Variants in BRCA1 observed in about 807,000 individuals in gnomAD.
BRCA1 encodes the protein BRCA1 DNA repair associated, also known as breast cancer type 1 susceptibility protein.
In BRCA1, 140 loss-of-function variants were observed where a neutral mutation model predicts 173.7. The observed-to-expected ratio is 0.81, with a 90% CI of 0.70 to 0.93. BRCA1 has a LOEUF of 0.93. Ranked by LOEUF, BRCA1 falls within the 40% of genes least tolerant of loss-of-function variation. The pLI, the probability that BRCA1 is intolerant of heterozygous loss-of-function variation, is 0.00. For missense variants in BRCA1, 1,983 were observed against 2,172.5 expected (o/e 0.91, Z 1.73); for synonymous variants, 662 against 756.0 (o/e 0.88, Z 2.04).
upstream of BRCA1, among the ~76,000 whole-genome samples, chr17:43,127,449 G>C (rs567279321): frequency 6.6e-6 from 1 of 152,162 alleles, no homozygotes; most frequent in Non-Finnish European, 1.5e-5. Context: ...TCAGTGCTCT[G>C]TGTCTAGCTC....
intron 11 of BRCA1, among the ~76,000 whole-genome samples, chr17:43,084,707 T>G (rs1219441460): frequency 6.6e-6 from 1 of 152,222 alleles, no homozygotes. Context: ...AGGTTTCTAC[T>G]GCTACTCTAA....
Position 43,057,601 on chromosome 17 carries a change from C to T in BRCA1, c.5194-466G>A, listed in dbSNP as rs8176281. Among the ~76,000 whole-genome samples, 1,849 of 151,388 alleles carry T rather than the reference C, an allele frequency of 0.012. 47 individuals carry two copies. The highest frequency in any genetic ancestry group is 0.043 in the African/African-American group (1,773 of 41,264). On this transcript the variant is annotated intron_variant, in intron 18 of 22. Transcript: ENST00000357654. ...CTGTAATCCCAGGACTTTGGGAGGCCGAGACAGGCGGATCACGAGGTCAGG... is the reference window on the plus strand; with the variant it reads ...CTGTAATCCCAGGACTTTGGGAGGCTGAGACAGGCGGATCACGAGGTCAGG...
upstream of BRCA1, among the ~76,000 whole-genome samples, chr17:43,128,525 C>T (rs181618744): frequency 3.9e-5 from 6 of 152,262 alleles, no homozygotes; most frequent in South Asian, 2.1e-4. Flanking sequence ...CAAGAACATC[C>T]GGCTTCTACT....
intron 12 of BRCA1, among the ~76,000 whole-genome samples, chr17:43,081,897 C>T (rs1216952848): frequency 6.6e-6 from 1 of 152,086 alleles, no homozygotes; most frequent in Non-Finnish European, 1.5e-5. Flanking sequence ...CTGTGTTGTT[C>T]TTTTCTTTTC....
intron 6 of BRCA1, among the ~76,000 whole-genome samples, chr17:43,100,675 T>TAAC (rs1567807687): frequency 1.9e-4 from 3 of 15,550 alleles, no homozygotes; most frequent in African/African-American, 4.6e-4. Flanking sequence ...TATATATATA[T>TAAC]ATAATATATA....
intron 11 of BRCA1, among the ~76,000 whole-genome samples, chr17:43,086,105 T>TAC (rs1385920078): frequency 8.8e-4 from 83 of 94,104 alleles, no homozygotes; most frequent in African/African-American, 4.7e-3. Flanking sequence ...TTTTATCACA[T>TAC]ACATACACAC....
intron 2 of BRCA1, among the ~76,000 whole-genome samples, chr17:43,117,496 C>T (rs1452320704): frequency 6.6e-6 from 1 of 151,950 alleles, no homozygotes; most frequent in African/African-American, 2.4e-5. Flanking sequence ...AATCCCAGCA[C>T]TTGGGAGGCC....
chr17:43,167,657 A>C (rs1398165466), intron 1 of BRCA1: 2 of 152,074 alleles, frequency 1.3e-5, no homozygotes, highest in African/African-American at 4.8e-5. Context: ...TTGGAGGCAG[A>C]AATTGGGCAT....
intron 15 of BRCA1, 116 bp from the exon 16 acceptor site, chr17:43,067,811 C>T (rs1032762080): frequency 1.7e-5 from 12 of 699,338 alleles, no homozygotes; most frequent in East Asian, 3.1e-5. Context: ...ACGTTCTACA[C>T]GTGTCCTGGA....
chr17:43,091,471 T>C lies in BRCA1; in HGVS notation c.4060A>G (p.Asn1354Asp). Residue 1354 changes from asparagine (N) to aspartate (D), a missense_variant, in exon 10 of 23, where the codon AAT (asparagine) becomes GAT (aspartate). Coordinates refer to ENST00000357654, the MANE Select transcript of BRCA1 (RefSeq NM_007294.4). ...DEERGTGLEE[N>D]NQEEQSMDSN... ...TCCATGCTTTGCTCTTCTTGATTAT[T>C]TTCTTCCAAGCCCGTTCCTCTTTCT... The C allele has an allele frequency of 6.2e-7, 1 of 1,613,600 alleles. No homozygotes were observed. Among genetic ancestry groups the C allele is most frequent in the Non-Finnish European group, 8.5e-7 (1 of 1,179,814 alleles).
intron 7 of BRCA1, among the ~76,000 whole-genome samples, chr17:43,099,126 C>G (rs2054261401): frequency 6.6e-6 from 1 of 150,738 alleles, no homozygotes; most frequent in South Asian, 2.1e-4. Context: ...CCTGGCAATT[C>G]AGCTCTTCTT....
chr17:43,156,812 T>C (rs948694767), intron 1 of BRCA1, among the ~76,000 whole-genome samples: 6 of 152,142 alleles, frequency 3.9e-5, no homozygotes, highest in African/African-American at 1.4e-4. Flanking sequence ...AAACATAAAC[T>C]GTGAACAGAT....
intron 3 of BRCA1, among the ~76,000 whole-genome samples, chr17:43,111,191 T>C (rs2055019028): frequency 6.6e-6 from 1 of 152,032 alleles, no homozygotes; most frequent in Admixed American, 6.6e-5. Flanking sequence ...TTTTCTAGAT[T>C]GGTATTATTA....
chr17:43,123,333 G>A (rs1033759618), intron 2 of BRCA1, among the ~76,000 whole-genome samples: 3 of 145,198 alleles, frequency 2.1e-5, no homozygotes, highest in Non-Finnish European at 3.0e-5. Context: ...TCCTCTCAAC[G>A]ACACCGATCA....
intron 6 of BRCA1, among the ~76,000 whole-genome samples, chr17:43,101,610 C>A (rs896835584): frequency 6.6e-6 from 1 of 152,098 alleles, no homozygotes; most frequent in Admixed American, 6.6e-5. Flanking sequence ...TCAAGCAATT[C>A]TTGTGCCTCC....
At chr17:43,138,713 A>G (rs780561520) in intron 1 of BRCA1, 3 of 779,406 alleles carry the variant, frequency 3.8e-6, no homozygotes, top group Admixed American at 1.7e-5. Context: ...GGTGCTGCCA[A>G]TAAAAGGTAG....
intron 6 of BRCA1, among the ~76,000 whole-genome samples, chr17:43,100,175 A>G (rs1003478530): frequency 1.3e-5 from 2 of 152,110 alleles, no homozygotes; most frequent in African/African-American, 4.8e-5. Context: ...AAATAATAGT[A>G]GTAGTAATAA....
intron 3 of BRCA1, among the ~76,000 whole-genome samples, chr17:43,107,124 G>C (rs1483990707): frequency 6.8e-6 from 1 of 147,078 alleles, no homozygotes; most frequent in Non-Finnish European, 1.5e-5. Flanking sequence ...GAGTGCAGTG[G>C]CACGATCTCG....
At chr17:43,063,487 G>T in intron 17 of BRCA1, 114 bp from the exon 18 acceptor site, 1 of 874,754 alleles carries the variant, frequency 1.1e-6, no homozygotes, top group Non-Finnish European at 1.9e-6. Context: ...CAGAGGAGAG[G>T]TCCTTCCCTC....
Sources: gnomAD v4.1 joint callset for allele counts (sites outside exome capture counted in the v4.1 genomes callset) on GRCh38, gnomAD v4.1.1 for gene constraint, MANE v1.5 for transcripts, NCBI Gene and HGNC (gene_info 2026-07-23, HGNC 2026-07-21) for gene names.